The following RPIA variants were observed in gnomAD, a reference collection of about 807,000 sequenced individuals.
RPIA encodes the protein ribose 5-phosphate isomerase A, also known as ribose-5-phosphate isomerase.
A neutral mutation model predicts 37.8 loss-of-function variants in RPIA; 29 were observed. The ratio of observed to expected loss-of-function variants is 0.77; its 90% confidence interval spans 0.57 to 1.05. The LOEUF is 1.05. Among genes scored for constraint, RPIA ranks in the 50% least tolerant of loss-of-function variants. RPIA has a pLI of 0.00. For synonymous variants in RPIA, 167 were observed against 157.0 expected (o/e 1.06, Z -0.48); for missense variants, 385 against 413.6 (o/e 0.93, Z 0.60).
chr2:88,705,468 C>G (rs1573462546), intron 3 of RPIA, among the ~76,000 whole-genome samples: 1 of 152,186 alleles, frequency 6.6e-6, no homozygotes, highest in African/African-American at 2.4e-5. Flanking sequence ...AAAGGAATCC[C>G]TATTTAATAA....
intron 4 of RPIA, among the ~76,000 whole-genome samples, chr2:88,729,636 A>G (rs1673241729): frequency 6.6e-6 from 1 of 152,226 alleles, no homozygotes; most frequent in South Asian, 2.1e-4. Flanking sequence ...GCAGAGGTAT[A>G]AGAGTGAGCC....
At chr2:88,741,739 C>G (rs1361764938) in intron 8 of RPIA, among the ~76,000 whole-genome samples, 2 of 152,090 alleles carry the variant, frequency 1.3e-5, no homozygotes, top group East Asian at 3.8e-4. Context: ...ATGCCAACAT[C>G]TATTATTTTT....
intron 3 of RPIA, among the ~76,000 whole-genome samples, chr2:88,722,903 A>C (rs1226521890): frequency 6.6e-6 from 1 of 152,232 alleles, no homozygotes; most frequent in Non-Finnish European, 1.5e-5. Flanking sequence ...CAAAGGGGGA[A>C]GAAGGAGGTA....
chr2:88,706,815 T>TC (rs781147295), intron 3 of RPIA, among the ~76,000 whole-genome samples: 6 of 152,306 alleles, frequency 3.9e-5, no homozygotes, highest in Non-Finnish European at 2.9e-5. Flanking sequence ...GAAATTGGAC[T>TC]CCAAGTATTA....
At chr2:88,692,485 C>G (rs1039748907) in intron 1 of RPIA, among the ~76,000 whole-genome samples, 1 of 152,130 alleles carries the variant, frequency 6.6e-6, no homozygotes, top group Non-Finnish European at 1.5e-5. Context: ...AAGGGAAGAC[C>G]CGGGGCTTCA....
At chr2:88,710,486 A>G (rs942227148) in intron 3 of RPIA, among the ~76,000 whole-genome samples, 2 of 152,160 alleles carry the variant, frequency 1.3e-5, no homozygotes, top group Non-Finnish European at 2.9e-5. Flanking sequence ...TATGGAAGCA[A>G]TTTTATCATT....
chr2:88,714,170 T>TG lies in RPIA; in HGVS notation c.402+14107dup, dbSNP rs1673004104. On this transcript the variant is annotated intron_variant, in intron 3 of 8. Coordinates refer to ENST00000283646, the MANE Select transcript of RPIA (RefSeq NM_144563.3). ...TCTGCTCATTTTTTGTTTTTTTGTT[T>TG]GTTTGTTTGTTTGTTTTTTAGATGG... 4.0e-5 allele frequency among the ~76,000 whole-genome samples: 6 copies of TG among 151,580 alleles called. No individual in the cohort carries two copies. The South Asian group carries it at 1.2e-3, about 31-fold the overall frequency.
At chr2:88,714,251 A>G (rs1255057626) in intron 3 of RPIA, among the ~76,000 whole-genome samples, 1 of 151,718 alleles carries the variant, frequency 6.6e-6, no homozygotes, top group Non-Finnish European at 1.5e-5. Context: ...GCTCACTGCA[A>G]CCTCCGCCTC....
At chr2:88,713,779 T>A (rs991700360) in intron 3 of RPIA, among the ~76,000 whole-genome samples, 1 of 152,220 alleles carries the variant, frequency 6.6e-6, no homozygotes, top group Admixed American at 6.5e-5. Flanking sequence ...CTTTGCTTCA[T>A]TTTTAGCTTT....
intron 3 of RPIA, among the ~76,000 whole-genome samples, chr2:88,711,632 G>A (rs1239012121): frequency 1.3e-5 from 2 of 152,206 alleles, no homozygotes; most frequent in Non-Finnish European, 2.9e-5. Context: ...CTGGGTCAAG[G>A]AAAAGACCTG....
intron 3 of RPIA, among the ~76,000 whole-genome samples, chr2:88,719,964 C>G (rs1012164588): frequency 6.6e-6 from 1 of 152,158 alleles, no homozygotes; most frequent in Non-Finnish European, 1.5e-5. Context: ...TTGGCCCTTA[C>G]AATCTCACAC....
chr2:88,693,713 G>T (rs1676975708), intron 1 of RPIA, among the ~76,000 whole-genome samples: 1 of 152,252 alleles, frequency 6.6e-6, no homozygotes, highest in African/African-American at 2.4e-5. Flanking sequence ...AAGTGTTGGG[G>T]TTATTGGAGG....
Position 88,691,821 on chromosome 2 carries a change from G to T in RPIA, c.123G>T (p.Val41=). The T allele has an allele frequency of 1.3e-6, 2 of 1,597,134 alleles. No individual in the cohort carries two copies. The highest frequency in any genetic ancestry group is 1.7e-6 in the Non-Finnish European group (2 of 1,173,678). ...GNSWDLPGSH[V]RLPGRAQSGT... is the part of the protein sequence containing the mutation. The stretch of plus-strand genomic sequence containing the variant: ...GCTGGGACCTCCCGGGTTCCCACGT[G>T]CGGCTGCCGGGGCGTGCACAGTCTG... The change falls in exon 1 of 9, where the codon GTG becomes GTT. Residue 41 remains valine, a synonymous_variant. Transcript: ENST00000283646.
intron 1 of RPIA, among the ~76,000 whole-genome samples, chr2:88,694,104 G>A (rs915752644): frequency 2.0e-5 from 3 of 152,248 alleles, no homozygotes; most frequent in Non-Finnish European, 2.9e-5. Flanking sequence ...CATACATGTG[G>A]TTTAATATTG....
At chr2:88,721,571 A>ACAC (rs1450673599) in intron 3 of RPIA, among the ~76,000 whole-genome samples, 194 of 22,876 alleles carry the variant, frequency 8.5e-3, no homozygotes, top group Non-Finnish European at 0.011. Flanking sequence ...ACACACACAC[A>ACAC]CCCCCCCCCC....
At chr2:88,727,194 T>C (rs1573473347) in intron 3 of RPIA, among the ~76,000 whole-genome samples, 2 of 152,326 alleles carry the variant, frequency 1.3e-5, no homozygotes, top group East Asian at 3.9e-4. Flanking sequence ...GCGTTCTCTG[T>C]AAACTAATCT....
intron 1 of RPIA, 134 bp downstream of exon 1, chr2:88,692,117 C>A: frequency 1.7e-6 from 2 of 1,152,868 alleles, no homozygotes; most frequent in Non-Finnish European, 2.4e-6. Flanking sequence ...AGAGGGTGTG[C>A]ACTTTACCCG....
At chr2:88,694,808 C>A (rs1188948493) in intron 1 of RPIA, among the ~76,000 whole-genome samples, 2 of 152,058 alleles carry the variant, frequency 1.3e-5, no homozygotes, top group Non-Finnish European at 2.9e-5. Context: ...GTTCCATACC[C>A]TGGAGGAAGG....
chr2:88,718,712 A>G (rs1008877793), intron 3 of RPIA, among the ~76,000 whole-genome samples: 1 of 152,194 alleles, frequency 6.6e-6, no homozygotes, highest in Non-Finnish European at 1.5e-5. Context: ...CCCCATTACG[A>G]ATGAAAACAG....
Sources: gnomAD v4.1 joint callset for allele counts (sites outside exome capture counted in the v4.1 genomes callset) on GRCh38, gnomAD v4.1.1 for gene constraint, MANE v1.5 for transcripts, NCBI Gene and HGNC (gene_info 2026-07-23, HGNC 2026-07-21) for gene names.